POT1: variants seen among roughly 807,000 people sequenced by gnomAD.
POT1 encodes protection of telomeres 1, also known as protection of telomeres protein 1.
Under a neutral mutation model 78.5 loss-of-function variants are expected in POT1, and 47 were observed. The ratio of observed to expected loss-of-function variants is 0.60; its 90% CI spans 0.47 to 0.76. The LOEUF is 0.76. POT1 is among the 30% of genes least tolerant of loss of function. POT1 has a pLI of 0.00. For synonymous variants in POT1, 259 were observed against 260.7 expected, an observed-to-expected ratio of 0.99 and a Z score of 0.06; for missense variants, 646 against 749.9, an observed-to-expected ratio of 0.86 and a Z score of 1.62.
intron 13 of POT1, among the ~76,000 whole-genome samples, chr7:124,842,216 G>C (rs1443774712): frequency 6.6e-6 from 1 of 151,932 alleles, no homozygotes; most frequent in Non-Finnish European, 1.5e-5. Flanking sequence ...ATTGCAAAAA[G>C]ATGAGGAGCT....
At chr7:124,829,722 A>G (rs1329289700) in intron 15 of POT1, among the ~76,000 whole-genome samples, 3 of 151,620 alleles carry the variant, frequency 2.0e-5, no homozygotes, top group Non-Finnish European at 4.4e-5. Flanking sequence ...ATCTATATCT[A>G]TATCTATATA....
chr7:124,853,513 A>G (rs1426115415), intron 9 of POT1: 2 of 154,922 alleles, frequency 1.3e-5, no homozygotes, highest in African/African-American at 4.8e-5. Context: ...CTATTTGACT[A>G]AGGTTTCTGA....
At chr7:124,919,618 G>A (rs932342297) in intron 2 of POT1, among the ~76,000 whole-genome samples, 1 of 152,060 alleles carries the variant, frequency 6.6e-6, no homozygotes, top group East Asian at 1.9e-4. Context: ...TCTCAGGCAC[G>A]TACAGAGAAA....
chr7:124,826,850 C>A (rs1431624551), intron 17 of POT1, among the ~76,000 whole-genome samples: 1 of 150,612 alleles, frequency 6.6e-6, no homozygotes, highest in Non-Finnish European at 1.5e-5. Context: ...GCCTGGGCAA[C>A]AGAGCAAGAC....
chr7:124,922,530 A>G (rs1797176559), intron 2 of POT1, among the ~76,000 whole-genome samples: 1 of 152,008 alleles, frequency 6.6e-6, no homozygotes, highest in Non-Finnish European at 1.5e-5. Context: ...GGGAAGAAAA[A>G]GCAGGACATG....
In POT1 at chr7:124,842,967, T is replaced by C. The variant is rs1361371744; in HGVS notation, c.1007-4A>G. 3 of 1,540,932 alleles carry C rather than the reference T, an allele frequency of 1.9e-6. No homozygotes were observed. Among genetic ancestry groups the C allele is most frequent in the South Asian group, 1.3e-5 (1 of 79,788 alleles). On this transcript the variant is annotated splice_region_variant and splice_polypyrimidine_tract_variant and intron_variant, in intron 12 of 18. Transcript: ENST00000357628. Reference sequence around the variant, plus strand: ...AAATACTGATGATCTGTAAGTACTGTAAAGAATTTTTATATTCAATCAGAA... The same window carrying C: ...AAATACTGATGATCTGTAAGTACTGCAAAGAATTTTTATATTCAATCAGAA...
intron 12 of POT1, 132 bp from the exon 13 acceptor site, chr7:124,843,095 G>C: frequency 1.5e-6 from 1 of 649,952 alleles, no homozygotes; most frequent in Non-Finnish European, 2.4e-6. Flanking sequence ...GAAAGGAAGG[G>C]TTATGTCTTT....
chr7:124,881,312 A>C (rs1431678228), intron 6 of POT1, among the ~76,000 whole-genome samples: 2 of 151,990 alleles, frequency 1.3e-5, no homozygotes, highest in Admixed American at 6.6e-5. Flanking sequence ...GCTCCATTAT[A>C]ATCTTACGAG....
At chr7:124,900,321 T>C (rs1041653395) in intron 3 of POT1, among the ~76,000 whole-genome samples, 8 of 152,154 alleles carry the variant, frequency 5.3e-5, no homozygotes, top group African/African-American at 1.9e-4. Context: ...TGTACATATC[T>C]GACCTAATCT....
At chr7:124,860,546 G>A (rs1443065584) in intron 8 of POT1, among the ~76,000 whole-genome samples, 1 of 152,004 alleles carries the variant, frequency 6.6e-6, no homozygotes, top group East Asian at 1.9e-4. Flanking sequence ...TTGCTGAGTT[G>A]AAGGGTACAA....
intron 7 of POT1, among the ~76,000 whole-genome samples, chr7:124,869,122 A>G (rs537676849): frequency 1.4e-4 from 21 of 152,298 alleles, no homozygotes; most frequent in African/African-American, 4.8e-4. Context: ...ACATTTCTCT[A>G]GACTGTGAAT....
At chr7:124,927,605 C>T (rs538303010) in intron 2 of POT1, among the ~76,000 whole-genome samples, 1 of 152,278 alleles carries the variant, frequency 6.6e-6, no homozygotes, top group South Asian at 2.1e-4. Context: ...ATTCATACTA[C>T]TTTCTTTCAC....
intron 6 of POT1, among the ~76,000 whole-genome samples, chr7:124,876,047 A>T (rs988289828): frequency 6.6e-5 from 10 of 152,214 alleles, no homozygotes; most frequent in African/African-American, 2.4e-4. Context: ...TCTAAAATAG[A>T]AACTGCTTTG....
chr7:124,922,729 C>A (rs903320559), intron 2 of POT1, among the ~76,000 whole-genome samples: 4 of 151,764 alleles, frequency 2.6e-5, no homozygotes, highest in African/African-American at 9.6e-5. Context: ...GAACAAAAAA[C>A]AGGCAAAACA....
chr7:124,845,199 T>C (rs528347203), intron 12 of POT1, among the ~76,000 whole-genome samples: 2 of 152,352 alleles, frequency 1.3e-5, no homozygotes, highest in African/African-American at 4.8e-5. Context: ...GTCCTCAAAA[T>C]GTTCTTCTTA....
At chr7:124,834,208 G>A (rs576908226) in intron 15 of POT1, among the ~76,000 whole-genome samples, 2 of 152,100 alleles carry the variant, frequency 1.3e-5, no homozygotes, top group Non-Finnish European at 2.9e-5. Context: ...AAGACTTCAT[G>A]TCTAAAACAC....
At chr7:124,834,940 C>T (rs1014472452) in intron 15 of POT1, among the ~76,000 whole-genome samples, 1 of 152,038 alleles carries the variant, frequency 6.6e-6, no homozygotes, top group East Asian at 1.9e-4. Context: ...CATGTCCTTG[C>T]CAGGCATATG....
intron 14 of POT1, among the ~76,000 whole-genome samples, chr7:124,837,889 G>C (rs1470135022): frequency 6.6e-6 from 1 of 152,036 alleles, no homozygotes; most frequent in East Asian, 1.9e-4. Context: ...GGCAAGGCTG[G>C]TTAAACACCT....
At chr7:124,892,410 T>C (rs1451201867) in intron 5 of POT1, 30 bp from the exon 6 acceptor site, 4 of 1,054,960 alleles carry the variant, frequency 3.8e-6, no homozygotes, top group Admixed American at 6.0e-5. Context: ...TGAATACATT[T>C]ATACAAAGTA....
Sources: allele counts gnomAD v4.1 joint callset (sites outside exome capture counted in the v4.1 genomes callset), GRCh38; gene constraint gnomAD v4.1.1; transcripts MANE v1.5; gene names NCBI Gene and HGNC (gene_info 2026-07-23, HGNC 2026-07-21).